Variants in DPP10 observed in about 807,000 individuals in gnomAD.
The protein encoded by DPP10 is inactive dipeptidyl peptidase 10.
Under a neutral mutation model 120.9 loss-of-function variants are expected in DPP10, and 33 were observed. The ratio of observed to expected loss-of-function variants is 0.27; its 90% CI spans 0.21 to 0.37. DPP10 has a LOEUF of 0.37. Among genes scored for constraint, DPP10 ranks in the 10% least tolerant of loss-of-function variants. DPP10 has a pLI of 1.00. For synonymous variants in DPP10, 337 were observed against 326.1 expected (o/e 1.03, Z -0.36); for missense variants, 816 against 942.8 (o/e 0.87, Z 1.76).
rs10180325 is a variant in DPP10 at position 114,936,692 on chromosome 2, T to C, written c.61-372547T>C. Among the ~76,000 whole-genome samples the C allele has an allele frequency of 3.2e-3, 480 of 152,246 alleles. 1 individual carries two copies. The highest frequency in any genetic ancestry group is 0.011 in the African/African-American group (469 of 41,548). On this transcript the variant is annotated intron_variant, in intron 1 of 25. Transcript: ENST00000410059. ...ACCTTTTTTCACTGTAGTTGTACTATTCACTATACACTATTACAGTGTAGA... is the reference window on the plus strand; with the variant it reads ...ACCTTTTTTCACTGTAGTTGTACTACTCACTATACACTATTACAGTGTAGA...
intron 1 of DPP10, among the ~76,000 whole-genome samples, chr2:115,106,596 G>T (rs577845070): frequency 6.6e-6 from 1 of 152,106 alleles, no homozygotes; most frequent in African/African-American, 2.4e-5. Context: ...GAGTAGCTGG[G>T]ACTACAGCGC....
At chr2:115,570,918 C>T (rs1217173171) in intron 5 of DPP10, among the ~76,000 whole-genome samples, 2 of 152,130 alleles carry the variant, frequency 1.3e-5, no homozygotes, top group East Asian at 3.9e-4. Context: ...CGTATTTCAC[C>T]TGGCATTTGT....
intron 1 of DPP10, among the ~76,000 whole-genome samples, chr2:114,908,254 G>A (rs1386267127): frequency 3.3e-5 from 5 of 151,810 alleles, no homozygotes; most frequent in African/African-American, 9.7e-5. Context: ...TTCTTATCTA[G>A]TCTAATGATC....
rs571811998 is a variant in DPP10, at chr2:115,628,722, A to G, written c.442-60965A>G. Among the ~76,000 whole-genome samples the G allele has an allele frequency of 5.3e-5, 8 of 151,532 alleles. No homozygotes were observed. The South Asian group carries it at 1.3e-3, about 24-fold the overall frequency. ...AGGTGTAAGGAGGGGTTCAGTTTCA[A>G]TTTTCTACATGTGGCTAGCCAGTTC... On this transcript the variant is annotated intron_variant, in intron 5 of 25. Coordinates refer to ENST00000410059, the MANE Select transcript of DPP10 (RefSeq NM_020868.6).
intron 3 of DPP10, among the ~76,000 whole-genome samples, chr2:115,409,014 G>A (rs937588653): frequency 2.0e-5 from 3 of 151,786 alleles, no homozygotes; most frequent in Admixed American, 6.6e-5. Context: ...ACTAAAATTT[G>A]TCCATTTTTA....
At chr2:115,139,453 A>G (rs1256174717) in intron 1 of DPP10, among the ~76,000 whole-genome samples, 1 of 152,084 alleles carries the variant, frequency 6.6e-6, no homozygotes, top group Non-Finnish European at 1.5e-5. Flanking sequence ...AAAACTTTAC[A>G]TTTTAAAAGG....
At chr2:115,818,217 G>C (rs1687461581) in intron 21 of DPP10, among the ~76,000 whole-genome samples, 1 of 152,100 alleles carries the variant, frequency 6.6e-6, no homozygotes, top group South Asian at 2.1e-4. Flanking sequence ...ATATTTGCAA[G>C]ATGAAAAAGT....
chr2:114,494,109 A>C (rs1034033344), intron 1 of DPP10, among the ~76,000 whole-genome samples: 32 of 144,360 alleles, frequency 2.2e-4, no homozygotes, highest in African/African-American at 8.1e-4. Context: ...GGCAAAAAAA[A>C]AAAAAAAAAA....
intron 1 of DPP10, among the ~76,000 whole-genome samples, chr2:115,100,463 C>CAA (rs767989184): frequency 1.3e-4 from 20 of 151,636 alleles, no homozygotes; most frequent in Admixed American, 2.0e-4. Flanking sequence ...TTAAAAAACA[C>CAA]ACACACACAC....
At position 115,070,624 on chromosome 2, in the gene DPP10, A is replaced by G. The variant is rs533395860; in HGVS notation, c.61-238615A>G. 9.7e-4 allele frequency among the ~76,000 whole-genome samples: 148 copies of G among 152,316 alleles called. 1 individual carries two copies. In the Middle Eastern group the frequency reaches 0.02, roughly 21 times the overall value. On this transcript the variant is annotated intron_variant, in intron 1 of 25. Coordinates refer to ENST00000410059, the MANE Select transcript of DPP10 (RefSeq NM_020868.6). The stretch of plus-strand genomic sequence containing the variant: ...CCTAACAATTACCATAGTATTGACT[A>G]TCAAACAGCCATATGATTATAGTAT...
chr2:115,416,560 A>G (rs371588219), intron 3 of DPP10, among the ~76,000 whole-genome samples: 2 of 152,132 alleles, frequency 1.3e-5, no homozygotes, highest in East Asian at 3.9e-4. Flanking sequence ...TGTCTTTTCC[A>G]TTCCCGGTAT....
At chr2:114,797,082 C>T (rs1683783055) in intron 1 of DPP10, among the ~76,000 whole-genome samples, 1 of 152,170 alleles carries the variant, frequency 6.6e-6, no homozygotes, top group South Asian at 2.1e-4. Context: ...TCTATGACCT[C>T]ACCATGCCCA....
chr2:115,245,520 A>G (rs965583119), intron 1 of DPP10, among the ~76,000 whole-genome samples: 1 of 152,188 alleles, frequency 6.6e-6, no homozygotes, highest in African/African-American at 2.4e-5. Context: ...ACACTTTTAC[A>G]CTGCTAGTCA....
chr2:115,655,694 A>T (rs2088245396), intron 5 of DPP10, among the ~76,000 whole-genome samples: 1 of 151,666 alleles, frequency 6.6e-6, no homozygotes. Flanking sequence ...ATGAATAATG[A>T]TGGAGAATTA....
At chr2:114,841,256 C>T (rs1397479608) in intron 1 of DPP10, among the ~76,000 whole-genome samples, 1 of 152,108 alleles carries the variant, frequency 6.6e-6, no homozygotes. Flanking sequence ...TAGATGTATT[C>T]TCAGATCAAA....
At chr2:115,595,620 C>T (rs1208170062) in intron 5 of DPP10, among the ~76,000 whole-genome samples, 1 of 151,990 alleles carries the variant, frequency 6.6e-6, no homozygotes, top group African/African-American at 2.4e-5. Flanking sequence ...CCAACTTGAT[C>T]ACAAACAAAA....
chr2:115,518,026 G>A (rs2077593831), intron 4 of DPP10, among the ~76,000 whole-genome samples: 1 of 152,154 alleles, frequency 6.6e-6, no homozygotes, highest in African/African-American at 2.4e-5. Context: ...ATAACATGGT[G>A]AGAAAGGAAG....
chr2:114,890,079 A>G (rs931733725), intron 1 of DPP10, among the ~76,000 whole-genome samples: 6 of 152,226 alleles, frequency 3.9e-5, no homozygotes, highest in African/African-American at 1.4e-4. Context: ...CACAGATTTT[A>G]CAGTCTGGTG....
At chr2:115,162,434 C>G (rs1350056281) in intron 1 of DPP10, among the ~76,000 whole-genome samples, 1 of 152,302 alleles carries the variant, frequency 6.6e-6, no homozygotes, top group East Asian at 1.9e-4. Flanking sequence ...GCCCCGTCCT[C>G]CTATAGCCGG....
Sources: allele counts gnomAD v4.1 joint callset (sites outside exome capture counted in the v4.1 genomes callset), GRCh38; gene constraint gnomAD v4.1.1; transcripts MANE v1.5; gene names NCBI Gene and HGNC (gene_info 2026-07-23, HGNC 2026-07-21).